The following OR51B5 variants were observed in gnomAD, a reference collection of about 807,000 sequenced individuals.
OR51B5 encodes olfactory receptor family 51 subfamily B member 5.
For synonymous variants in OR51B5, 186 were observed against 144.8 expected (o/e 1.28, Z -2.04); for missense variants, 456 against 374.6 (o/e 1.22, Z -1.79).
At chr11:5,379,989 T>TAAA (rs10694400) in intron 1 of OR51B5, among the ~76,000 whole-genome samples, 24,731 of 145,474 alleles carry the variant, frequency 0.17, 2,217 homozygotes, top group Non-Finnish European at 0.21. Flanking sequence ...AACAAAACTT[T>TAAA]AAAAAAAAAA....
At chr11:5,472,122 C>T (rs934215048) in intron 1 of OR51B5, among the ~76,000 whole-genome samples, 14 of 152,174 alleles carry the variant, frequency 9.2e-5, no homozygotes, top group African/African-American at 3.4e-4. Context: ...AGAAGATGCA[C>T]CTCTGAGCCA....
chr11:5,440,913 C>A (rs541237897), intron 1 of OR51B5: 1 of 1,613,746 alleles, frequency 6.2e-7, no homozygotes, highest in Non-Finnish European at 8.5e-7. Context: ...CACCAAGAGC[C>A]CATAAATGTT....
chr11:5,478,926 G>A (rs1851364883), intron 1 of OR51B5, among the ~76,000 whole-genome samples: 1 of 151,176 alleles, frequency 6.6e-6, no homozygotes, highest in South Asian at 2.1e-4. Context: ...AACCAAGTTG[G>A]AAAACACTCT....
At position 5,343,229 on chromosome 11, in the gene OR51B5, GC is replaced by G. The variant is rs1848930258; in HGVS notation, c.295del (p.Ala99ProfsTer41). 1 of 1,613,606 alleles carries G rather than the reference GC, an allele frequency of 6.2e-7. No homozygotes were observed. The highest frequency in any genetic ancestry group is 1.3e-5 in the African/African-American group (1 of 74,876). On this transcript the variant is annotated frameshift_variant, in exon 1 of 1. Transcript: ENST00000300773. LOFTEE classifies it low-confidence loss of function (END_TRUNC). Reference sequence around the variant, plus strand: ...AAAGGAAAGTGAGTGTATAAAGTAGGCCTGGGAAAAGCAGGCCGCACTTCCA... The same window carrying G: ...AAAGGAAAGTGAGTGTATAAAGTAGGCTGGGAAAAGCAGGCCGCACTTCCA...
Position 5,441,716 on chromosome 11 carries a change from A to C in OR51B5, n.84+63853T>G, listed in dbSNP as rs548685947. On this transcript the variant is annotated intron_variant and non_coding_transcript_variant, in intron 1 of 4. Coordinates refer to the OR51B5 transcript ENST00000415970. ...GTGTACCACCAGGGCCCTGCTCACTATCTAGGCCATAGTAGAAACTCTGTG... is the reference window on the plus strand; with the variant it reads ...GTGTACCACCAGGGCCCTGCTCACTCTCTAGGCCATAGTAGAAACTCTGTG... Among the ~76,000 whole-genome samples, 8 of 152,248 alleles carry C rather than the reference A, an allele frequency of 5.3e-5. No individual in the cohort carries two copies. The South Asian group carries it at 1.7e-3, about 32-fold the overall frequency.
rs145231699 is a variant in OR51B5 at position 5,342,800 on chromosome 11, T to C, written c.725A>G (p.His242Arg). The C allele has an allele frequency of 3.0e-3, 4,806 of 1,613,564 alleles. 18 individuals are homozygous for C. The highest frequency in any genetic ancestry group is 3.0e-3 in the Non-Finnish European group (3,598 of 1,179,772). ...ATAAAAAACCAGGACACAGCAGATA[T>C]GGGAGACACAGGTAATGAGAGCCTT... Residue 242 changes from histidine to arginine, a missense_variant, in exon 1 of 1, where the codon CAT becomes CGT. By Grantham distance (29) the His-to-Arg change is conservative. Coordinates refer to ENST00000300773, the Ensembl canonical transcript of OR51B5.
rs550047895 is a variant in OR51B5 at position 5,399,429 on chromosome 11, GGTAA to G, written n.85-52523_85-52520del. 2.4e-4 allele frequency among the ~76,000 whole-genome samples: 36 copies of G among 152,278 alleles called. No homozygotes were observed. The South Asian group carries it at 7.2e-3, about 31-fold the overall frequency. On this transcript the variant is annotated intron_variant and non_coding_transcript_variant, in intron 1 of 4. Coordinates refer to the OR51B5 transcript ENST00000415970. ...TTAAATATTTAGAGCCAGTCCCTGA[GGTAA>G]GTATTAACATCTTTATCTTTAAAAA... is the stretch of plus-strand genomic sequence containing the variant.
At chr11:5,411,573 G>C (rs764559994) in intron 1 of OR51B5, among the ~76,000 whole-genome samples, 1 of 152,150 alleles carries the variant, frequency 6.6e-6, no homozygotes, top group Non-Finnish European at 1.5e-5. Flanking sequence ...AATTGTGGTA[G>C]ACCAAATAAT....
intron 1 of OR51B5, among the ~76,000 whole-genome samples, chr11:5,483,499 A>T (rs536160909): frequency 6.5e-4 from 86 of 131,834 alleles, no homozygotes; most frequent in African/African-American, 2.5e-3. Flanking sequence ...CTAAAACTTA[A>T]AGTATAATTA....
At chr11:5,439,831 G>C (rs1850648261) in intron 1 of OR51B5, among the ~76,000 whole-genome samples, 1 of 152,208 alleles carries the variant, frequency 6.6e-6, no homozygotes. Context: ...ATCACCCAAG[G>C]TTCTTATCAA....
intron 1 of OR51B5, chr11:5,454,004 T>C (rs760134764): frequency 2.5e-6 from 4 of 1,614,048 alleles, no homozygotes; most frequent in South Asian, 1.1e-5. Flanking sequence ...GCAGATCCAA[T>C]GTTCTTTCTC....
intron 1 of OR51B5, among the ~76,000 whole-genome samples, chr11:5,424,008 T>C (rs753056091): frequency 6.6e-6 from 1 of 152,182 alleles, no homozygotes. Flanking sequence ...CGAGCAAATA[T>C]TCTAGTACAG....
intron 1 of OR51B5, among the ~76,000 whole-genome samples, chr11:5,413,027 AG>A (rs556879555): frequency 0.14 from 10,926 of 79,708 alleles, 456 homozygotes; most frequent in South Asian, 0.21. Flanking sequence ...CCTTACTGGG[AG>A]GCACCCCCCA....
At chr11:5,505,639 G>A (rs898522767) in exon 1 of OR51B5, 4 of 416,432 alleles carry the variant, frequency 9.6e-6, no homozygotes, top group African/African-American at 4.2e-5. Flanking sequence ...TGGAATGGCA[G>A]CAGGCAAAAA....
chr11:5,424,360 C>A (rs1419289113), intron 1 of OR51B5, among the ~76,000 whole-genome samples: 1 of 149,540 alleles, frequency 6.7e-6, no homozygotes, highest in Non-Finnish European at 1.5e-5. Context: ...AAACAAAAAA[C>A]AAACAAACAA....
upstream of OR51B5, among the ~76,000 whole-genome samples, chr11:5,343,919 G>A (rs1020544892): frequency 6.6e-6 from 1 of 152,110 alleles, no homozygotes; most frequent in Admixed American, 6.5e-5. Context: ...ATTTTTTTCT[G>A]GTCTACCACC....
chr11:5,434,762 C>A (rs992835683), intron 1 of OR51B5, among the ~76,000 whole-genome samples: 1 of 152,248 alleles, frequency 6.6e-6, no homozygotes, highest in East Asian at 1.9e-4. Flanking sequence ...TCCTAAGATG[C>A]CTTATTTCAA....
Position 5,487,019 on chromosome 11 carries a change from G to C in OR51B5, n.84+18550C>G, listed in dbSNP as rs187058954. Among the ~76,000 whole-genome samples, 495 of 152,218 alleles carry C rather than the reference G, an allele frequency of 3.3e-3. 3 individuals are homozygous for C. The highest frequency in any genetic ancestry group is 0.011 in the African/African-American group (464 of 41,544). ...CTAGGAATTGATATTAGACAAAAAA[G>C]ATATTAGCCTCATTTGAAAGAGATA... On this transcript the variant is annotated intron_variant and non_coding_transcript_variant, in intron 1 of 4. Transcript: ENST00000415970.
chr11:5,417,143 T>C (rs1850256172), intron 1 of OR51B5, among the ~76,000 whole-genome samples: 1 of 152,096 alleles, frequency 6.6e-6, no homozygotes, highest in Non-Finnish European at 1.5e-5. Flanking sequence ...AACTATCTGA[T>C]CTTTGACAAA....
Sources: allele counts gnomAD v4.1 joint callset (sites outside exome capture counted in the v4.1 genomes callset), GRCh38; gene constraint gnomAD v4.1.1; transcripts MANE v1.5; gene names NCBI Gene and HGNC (gene_info 2026-07-23, HGNC 2026-07-21).